The following COL6A6 variants were observed in gnomAD, a reference collection of about 807,000 sequenced individuals.
The protein encoded by COL6A6 is collagen alpha-6(VI) chain.
A neutral mutation model predicts 208.6 loss-of-function variants in COL6A6; 183 were observed. The ratio of observed to expected loss-of-function variants is 0.88; its 90% CI spans 0.78 to 0.99. COL6A6 has a LOEUF of 0.99. Ranked by LOEUF, COL6A6 falls within the 50% of genes least tolerant of loss-of-function variation. The pLI is 0.00. For missense variants in COL6A6, 2,816 were observed against 2,815.2 expected (o/e 1.00, Z -0.01); for synonymous variants, 973 against 1,011.8 (o/e 0.96, Z 0.73).
rs2064882655 is a variant in COL6A6 at position 130,626,287 on chromosome 3, C to A, written c.4879-198C>A. Among the ~76,000 whole-genome samples the A allele has an allele frequency of 2.0e-5, 3 of 152,290 alleles. No individual in the cohort carries two copies. In the South Asian group the frequency reaches 6.2e-4, roughly 32 times the overall value. On this transcript the variant is annotated intron_variant, in intron 24 of 36. Coordinates refer to ENST00000358511, the MANE Select transcript of COL6A6 (RefSeq NM_001102608.3). The stretch of plus-strand genomic sequence containing the variant: ...TGCTAAGATGGCAACTTGCCCTAAA[C>A]AATAAATCATGCTTGCTGAGGCTTC...
intron 33 of COL6A6, among the ~76,000 whole-genome samples, chr3:130,651,262 C>G (rs1455583548): frequency 6.6e-6 from 1 of 151,742 alleles, no homozygotes; most frequent in Non-Finnish European, 1.5e-5. Flanking sequence ...CCCGTCTCTC[C>G]TAAAAATACT....
chr3:130,618,510 G>A (rs1328307186), intron 23 of COL6A6, among the ~76,000 whole-genome samples: 1 of 152,136 alleles, frequency 6.6e-6, no homozygotes, highest in East Asian at 1.9e-4. Flanking sequence ...AGCTATTCTT[G>A]ATCTCAAGTC....
intron 8 of COL6A6, among the ~76,000 whole-genome samples, chr3:130,577,209 A>G (rs1314223689): frequency 6.6e-6 from 1 of 152,154 alleles, no homozygotes; most frequent in African/African-American, 2.4e-5. Flanking sequence ...TCATTTATAA[A>G]TGTGGAAACT....
At chr3:130,552,787 G>T (rs2062674585) in intron 1 of COL6A6, among the ~76,000 whole-genome samples, 1 of 149,200 alleles carries the variant, frequency 6.7e-6, no homozygotes, top group African/African-American at 2.5e-5. Context: ...GCCAGTAATG[G>T]TCTTTCCTTT....
At chr3:130,584,748 G>C (rs989663955) in intron 10 of COL6A6, among the ~76,000 whole-genome samples, 29 of 152,100 alleles carry the variant, frequency 1.9e-4, no homozygotes, top group African/African-American at 7.0e-4. Context: ...CCGAGTAGCT[G>C]GGACTACAGG....
At chr3:130,652,073 T>TTA (rs1172159643) in intron 33 of COL6A6, among the ~76,000 whole-genome samples, 1 of 152,200 alleles carries the variant, frequency 6.6e-6, no homozygotes, top group African/African-American at 2.4e-5. Flanking sequence ...ACACTGCAAC[T>TTA]TATATGTGAT....
Position 130,662,274 on chromosome 3 carries a change from G to A in COL6A6, c.6468G>A (p.Val2156=). ...RIHKPDHSYG[V]KFVKSFINSI... ...ATAAACCTGACCACAGTTATGGTGTGAAGTTTGTGAAGTCCTTTATAAACT... is the reference window on the plus strand; with the variant it reads ...ATAAACCTGACCACAGTTATGGTGTAAAGTTTGTGAAGTCCTTTATAAACT... Residue 2156 remains valine, a synonymous_variant, in exon 35 of 37, where the codon GTG becomes GTA. Coordinates refer to ENST00000358511, the MANE Select transcript of COL6A6 (RefSeq NM_001102608.3). The A allele has an allele frequency of 3.1e-6, 5 of 1,613,772 alleles. No individual in the cohort carries two copies. The highest frequency in any genetic ancestry group is 4.2e-6 in the Non-Finnish European group (5 of 1,179,746).
At chr3:130,657,477 G>A (rs866029741) in intron 33 of COL6A6, among the ~76,000 whole-genome samples, 6 of 152,326 alleles carry the variant, frequency 3.9e-5, no homozygotes, top group Middle Eastern at 3.4e-3. Flanking sequence ...ATTACGGTTC[G>A]GGCTTTGCCT....
chr3:130,644,265 G>A (rs745379700), intron 31 of COL6A6, among the ~76,000 whole-genome samples: 3 of 152,218 alleles, frequency 2.0e-5, no homozygotes, highest in African/African-American at 7.2e-5. Context: ...CAAGAGAGAA[G>A]TCTAAAGCAG....
At chr3:130,590,118 G>A (rs2063638177) in intron 12 of COL6A6, 1 of 386,168 alleles carries the variant, frequency 2.6e-6, no homozygotes, top group African/African-American at 2.1e-5. Context: ...TTTATCAGTG[G>A]CAAATATAGC....
Position 130,662,264 on chromosome 3 carries a change from G to C in COL6A6, c.6458G>C (p.Ser2153Thr), listed in dbSNP as rs1220691043. ...QLGRIHKPDHSYGVKFVKSFI... is the reference protein window; with the variant it reads ...QLGRIHKPDHTYGVKFVKSFI... ...GGCCGAATTCATAAACCTGACCACA[G>C]TTATGGTGTGAAGTTTGTGAAGTCC... Residue 2153 changes from serine (S) to threonine (T), a missense_variant, in exon 35 of 37, where the codon AGT becomes ACT. By Grantham distance (58) the Ser-to-Thr change is moderately conservative. Transcript: ENST00000358511. The C allele has an allele frequency of 6.2e-7, 1 of 1,613,958 alleles. No homozygotes were observed. The highest frequency in any genetic ancestry group is 1.1e-5 in the South Asian group (1 of 91,084).
intron 2 of COL6A6, among the ~76,000 whole-genome samples, chr3:130,560,772 G>T (rs2062864608): frequency 6.6e-6 from 1 of 152,184 alleles, no homozygotes; most frequent in Non-Finnish European, 1.5e-5. Context: ...TGTGTCAAAA[G>T]GGTATCTTGG....
chr3:130,643,176 T>G (rs2065369383), intron 31 of COL6A6, among the ~76,000 whole-genome samples, 153 bp downstream of exon 31: 1 of 152,224 alleles, frequency 6.6e-6, no homozygotes, highest in Non-Finnish European at 1.5e-5. Flanking sequence ...CTGGTGACTT[T>G]TAACTCCCTC....
intron 1 of COL6A6, among the ~76,000 whole-genome samples, chr3:130,544,821 G>C (rs1353916345): frequency 6.6e-6 from 1 of 152,078 alleles, no homozygotes; most frequent in Non-Finnish European, 1.5e-5. Flanking sequence ...TTGGCCATTT[G>C]TATGTCATCT....
intron 1 of COL6A6, among the ~76,000 whole-genome samples, chr3:130,523,084 A>G (rs1300846847): frequency 6.6e-6 from 1 of 151,894 alleles, no homozygotes; most frequent in Non-Finnish European, 1.5e-5. Flanking sequence ...CTTCTGCATC[A>G]TGCCTTCTTA....
intron 20 of COL6A6, 147 bp downstream of exon 20, chr3:130,599,957 C>T (rs1056524761): frequency 1.6e-5 from 12 of 730,548 alleles, no homozygotes; most frequent in Admixed American, 1.3e-4. Flanking sequence ...CAGACCAGGG[C>T]TGGCAAAGGA....
At chr3:130,635,646 C>A in intron 27 of COL6A6, 53 bp from the exon 28 acceptor site, 1 of 1,180,422 alleles carries the variant, frequency 8.5e-7, no homozygotes, top group Non-Finnish European at 1.2e-6. Context: ...AAATATGTTA[C>A]ATATGTATAT....
At chr3:130,532,898 C>A (rs967864852) in intron 1 of COL6A6, among the ~76,000 whole-genome samples, 1 of 151,522 alleles carries the variant, frequency 6.6e-6, no homozygotes, top group Admixed American at 6.6e-5. Context: ...CTCCTGACCT[C>A]TTCACAAAGC....
intron 23 of COL6A6, among the ~76,000 whole-genome samples, chr3:130,612,087 T>C (rs564097064): frequency 4.1e-4 from 62 of 152,282 alleles, no homozygotes; most frequent in Middle Eastern, 3.4e-3. Flanking sequence ...TCCAGCTTCA[T>C]CTATGTTGCT....
Sources: gnomAD v4.1 joint callset for allele counts (sites outside exome capture counted in the v4.1 genomes callset) on GRCh38, gnomAD v4.1.1 for gene constraint, MANE v1.5 for transcripts, NCBI Gene and HGNC (gene_info 2026-07-23, HGNC 2026-07-21) for gene names.